The following PDE1C variants were observed in gnomAD, a reference collection of about 807,000 sequenced individuals.
PDE1C encodes the protein dual specificity calcium/calmodulin-dependent 3',5'-cyclic nucleotide phosphodiesterase 1C.
PDE1C carries 62 observed loss-of-function variants against 93.1 expected under a neutral mutation model. The observed-to-expected ratio is 0.67, with a 90% CI of 0.54 to 0.82. The LOEUF is 0.82. Ranked by LOEUF, PDE1C falls within the 40% of genes least tolerant of loss-of-function variation. The pLI, the probability that PDE1C is intolerant of heterozygous loss-of-function variation, is 0.00. For missense variants in PDE1C, 742 were observed against 884.6 expected (o/e 0.84, Z 2.04); for synonymous variants, 325 against 310.1 (o/e 1.05, Z -0.50).
chr7:32,212,869 C>G (rs936335789), intron 1 of PDE1C, among the ~76,000 whole-genome samples: 1 of 152,178 alleles, frequency 6.6e-6, no homozygotes, highest in African/African-American at 2.4e-5. Flanking sequence ...TCAGAACCAC[C>G]GAGCAGGTTT....
chr7:32,374,299 G>GAAAGAAAGAA (rs1562696081), intron 1 of PDE1C, among the ~76,000 whole-genome samples: 3 of 149,592 alleles, frequency 2.0e-5, no homozygotes, highest in African/African-American at 7.5e-5. Flanking sequence ...AAGAAAGAAA[G>GAAAGAAAGAA]AAAGAAAGAA....
chr7:31,951,246 A>G (rs1417580998), intron 2 of PDE1C, among the ~76,000 whole-genome samples: 1 of 152,308 alleles, frequency 6.6e-6, no homozygotes, highest in East Asian at 1.9e-4. Context: ...AATTTTGTCC[A>G]TATTTTTCAT....
chr7:32,214,491 C>A (rs964543573), intron 1 of PDE1C, among the ~76,000 whole-genome samples: 1 of 152,138 alleles, frequency 6.6e-6, no homozygotes, highest in Non-Finnish European at 1.5e-5. Context: ...AGGACTCAAG[C>A]ATCAGTGTTT....
chr7:31,681,004 G>A, the PDE1C span, among the ~76,000 whole-genome samples: 2 of 152,282 alleles, frequency 1.3e-5, no homozygotes, highest in South Asian at 4.1e-4. Context: ...AGGAAGTAGG[G>A]ACCAGCCTAG....
intron 2 of PDE1C, among the ~76,000 whole-genome samples, chr7:31,974,444 C>T (rs181166882): frequency 6.6e-6 from 1 of 152,122 alleles, no homozygotes; most frequent in Non-Finnish European, 1.5e-5. Context: ...GGACCATTTG[C>T]AGAAATGTGG....
chr7:31,930,204 C>T (rs894219409), intron 2 of PDE1C, among the ~76,000 whole-genome samples: 1 of 152,132 alleles, frequency 6.6e-6, no homozygotes, highest in Non-Finnish European at 1.5e-5. Flanking sequence ...CCTCCCAGGA[C>T]TAAAACAGGA....
At chr7:32,195,695 A>C (rs1205260513) in intron 2 of PDE1C, among the ~76,000 whole-genome samples, 1 of 152,088 alleles carries the variant, frequency 6.6e-6, no homozygotes, top group African/African-American at 2.4e-5. Flanking sequence ...CAAATTTTTA[A>C]AAATAAAATA....
At chr7:32,217,213 G>C (rs935969312) in intron 1 of PDE1C, among the ~76,000 whole-genome samples, 1 of 152,222 alleles carries the variant, frequency 6.6e-6, no homozygotes, top group Admixed American at 6.5e-5. Flanking sequence ...ATGCATCTCA[G>C]TATGAACCAG....
At chr7:31,954,593 G>C (rs1563092258) in intron 2 of PDE1C, among the ~76,000 whole-genome samples, 2 of 152,224 alleles carry the variant, frequency 1.3e-5, no homozygotes, top group East Asian at 3.9e-4. Flanking sequence ...GTACTGTGAA[G>C]ATTGCCAAGG....
At chr7:31,619,074 A>G in the PDE1C span, among the ~76,000 whole-genome samples, 1 of 152,280 alleles carries the variant, frequency 6.6e-6, no homozygotes, top group African/African-American at 2.4e-5. Context: ...TCTTCTTTCA[A>G]TTTGTAAAGC....
At chr7:32,315,420 G>A (rs1783147261) in intron 1 of PDE1C, among the ~76,000 whole-genome samples, 1 of 151,890 alleles carries the variant, frequency 6.6e-6, no homozygotes, top group Non-Finnish European at 1.5e-5. Context: ...CAGGAAGGAA[G>A]GAAACACATC....
chr7:32,165,626 C>T (rs1348574470), intron 3 of PDE1C, among the ~76,000 whole-genome samples: 1 of 152,134 alleles, frequency 6.6e-6, no homozygotes, highest in Non-Finnish European at 1.5e-5. Flanking sequence ...AGAACTCACT[C>T]ACTATCACAA....
chr7:31,815,127 T>A (rs1788075357), intron 15 of PDE1C, among the ~76,000 whole-genome samples: 1 of 152,066 alleles, frequency 6.6e-6, no homozygotes. Flanking sequence ...CATTTTATAA[T>A]CCCCAGTCCC....
the PDE1C span, among the ~76,000 whole-genome samples, chr7:31,671,597 G>A: frequency 5.8e-3 from 889 of 152,200 alleles, 14 homozygotes; most frequent in African/African-American, 0.02. Flanking sequence ...TCCAAACTGG[G>A]TACACTGGAA....
At chr7:32,201,400 C>A (rs1425699096) in intron 2 of PDE1C, among the ~76,000 whole-genome samples, 1 of 152,130 alleles carries the variant, frequency 6.6e-6, no homozygotes, top group Non-Finnish European at 1.5e-5. Context: ...AAATTCTATT[C>A]ATATTTTTCA....
At chr7:32,240,998 G>C (rs1808506047) in intron 1 of PDE1C, among the ~76,000 whole-genome samples, 1 of 152,192 alleles carries the variant, frequency 6.6e-6, no homozygotes, top group East Asian at 1.9e-4. Flanking sequence ...TGACTGTAAA[G>C]CATTGGCCTG....
chr7:32,041,929 T>C (rs1436271453), intron 2 of PDE1C, among the ~76,000 whole-genome samples: 1 of 152,192 alleles, frequency 6.6e-6, no homozygotes, highest in East Asian at 1.9e-4. Context: ...GCAGATCTTT[T>C]TGACGTTGAT....
rs540551828 is a variant in PDE1C, at chr7:32,327,027, C to T, written c.310+100795G>A. Among the ~76,000 whole-genome samples the T allele has an allele frequency of 7.2e-5, 11 of 152,240 alleles. No individual in the cohort carries two copies. In the South Asian group the frequency reaches 1.7e-3, roughly 23 times the overall value. ...CACCTAATAACATGAGCAAAACACCCGAGTCATCTTCATTCCTACTTAGCC... is the reference window on the plus strand; with the variant it reads ...CACCTAATAACATGAGCAAAACACCTGAGTCATCTTCATTCCTACTTAGCC... On this transcript the variant is annotated intron_variant, in intron 1 of 1. Coordinates refer to the PDE1C transcript ENST00000672256.
intron 16 of PDE1C, among the ~76,000 whole-genome samples, chr7:31,801,365 G>A (rs1216627132): frequency 1.3e-5 from 2 of 151,322 alleles, no homozygotes; most frequent in African/African-American, 4.8e-5. Flanking sequence ...CATGGTCCAT[G>A]AACATATTTG....
Sources: allele counts gnomAD v4.1 joint callset (sites outside exome capture counted in the v4.1 genomes callset), GRCh38; gene constraint gnomAD v4.1.1; transcripts MANE v1.5; gene names NCBI Gene and HGNC (gene_info 2026-07-23, HGNC 2026-07-21).